RUNDC3B: variants seen among roughly 807,000 people sequenced by gnomAD.
RUNDC3B encodes the protein RUN domain containing 3B.
In RUNDC3B, 33 loss-of-function variants were observed where a neutral mutation model predicts 58.4. The ratio of observed to expected loss-of-function variants is 0.56; its 90% CI spans 0.43 to 0.75. RUNDC3B has a LOEUF of 0.75. Among genes scored for constraint, RUNDC3B ranks in the 30% least tolerant of loss-of-function variants. The probability of loss-of-function intolerance (pLI) is 0.00; values close to 1 mark genes in which losing one functional copy is unlikely to be tolerated. For missense variants in RUNDC3B, 501 were observed against 535.7 expected (o/e 0.94, Z 0.64); for synonymous variants, 193 against 195.2 (o/e 0.99, Z 0.10).
chr7:87,711,941 G>T (rs1261097776), intron 4 of RUNDC3B, among the ~76,000 whole-genome samples: 1 of 152,068 alleles, frequency 6.6e-6, no homozygotes, highest in Non-Finnish European at 1.5e-5. Context: ...TAAGCACAAA[G>T]AAATCATATC....
chr7:87,678,877 A>C (rs1024403532), intron 2 of RUNDC3B, among the ~76,000 whole-genome samples: 1 of 152,168 alleles, frequency 6.6e-6, no homozygotes, highest in Non-Finnish European at 1.5e-5. Context: ...CCAAGAAGAC[A>C]GAACAAAACC....
intron 2 of RUNDC3B, among the ~76,000 whole-genome samples, chr7:87,694,773 T>C (rs2130663460): frequency 6.6e-6 from 1 of 152,256 alleles, no homozygotes; most frequent in African/African-American, 2.4e-5. Context: ...AAACAAAACG[T>C]TTGTTCTCCA....
At chr7:87,680,644 A>C (rs914815635) in intron 2 of RUNDC3B, among the ~76,000 whole-genome samples, 3 of 150,234 alleles carry the variant, frequency 2.0e-5, no homozygotes, top group Admixed American at 2.0e-4. Context: ...AATACAAAAA[A>C]TTAGCCAGGC....
chr7:87,649,370 A>G (rs552438709), intron 1 of RUNDC3B, among the ~76,000 whole-genome samples: 4 of 152,216 alleles, frequency 2.6e-5, no homozygotes, highest in Non-Finnish European at 5.9e-5. Flanking sequence ...GCTGAGGGAG[A>G]TACATAGTTC....
intron 4 of RUNDC3B, among the ~76,000 whole-genome samples, chr7:87,730,692 A>G (rs1831524617): frequency 6.6e-6 from 1 of 151,884 alleles, no homozygotes; most frequent in Non-Finnish European, 1.5e-5. Context: ...TGCTGATTGT[A>G]GAGCCCTTGG....
chr7:87,676,772 C>A (rs1042592810), intron 2 of RUNDC3B, among the ~76,000 whole-genome samples: 6 of 151,018 alleles, frequency 4.0e-5, no homozygotes, highest in Admixed American at 2.0e-4. Flanking sequence ...ATCACAACTC[C>A]TTGCCTTATC....
At chr7:87,758,303 C>G (rs967500984) in intron 6 of RUNDC3B, among the ~76,000 whole-genome samples, 1 of 152,076 alleles carries the variant, frequency 6.6e-6, no homozygotes, top group African/African-American at 2.4e-5. Flanking sequence ...GCCTGAGCAA[C>G]AAAGCAAAAC....
intron 8 of RUNDC3B, among the ~76,000 whole-genome samples, chr7:87,787,638 T>A (rs971724670): frequency 6.6e-6 from 1 of 152,082 alleles, no homozygotes; most frequent in Non-Finnish European, 1.5e-5. Flanking sequence ...GTCTTGAAAA[T>A]CAGGACTGTG....
chr7:87,738,406 A>C (rs1368134785), intron 4 of RUNDC3B, among the ~76,000 whole-genome samples: 1 of 151,980 alleles, frequency 6.6e-6, no homozygotes, highest in Non-Finnish European at 1.5e-5. Flanking sequence ...CTTTTATATA[A>C]ATCAGTAAAA....
chr7:87,761,444 G>A (rs1424840329), intron 6 of RUNDC3B, among the ~76,000 whole-genome samples: 1 of 151,888 alleles, frequency 6.6e-6, no homozygotes, highest in African/African-American at 2.4e-5. Context: ...ATTACCACAT[G>A]ATTCTGAAAT....
intron 8 of RUNDC3B, among the ~76,000 whole-genome samples, chr7:87,788,975 C>T (rs1229185395): frequency 1.3e-5 from 2 of 152,126 alleles, no homozygotes; most frequent in East Asian, 3.8e-4. Flanking sequence ...ACATGGGATT[C>T]AAAATCTCCT....
rs773011983 is a variant in RUNDC3B at position 87,829,908 on chromosome 7, C to A, written c.1249C>A (p.Leu417Ile). The stretch of plus-strand genomic sequence containing the variant: ...AGGTAAGGAAGATACTCCCTCATTA[C>A]TTGGCCTCTGTGGATCTCTAACGTC... ...SEGKEDTPSL[L>I]GLCGSLTSVA... The change falls in exon 11 of 11, where the codon CTT (leucine) becomes ATT (isoleucine). Residue 417 changes from leucine to isoleucine, a missense_variant. Leu to Ile is a conservative substitution (Grantham distance 5). Transcript: ENST00000394654. The A allele has an allele frequency of 6.2e-7, 1 of 1,605,500 alleles. No individual in the cohort carries two copies. The highest frequency in any genetic ancestry group is 1.1e-5 in the South Asian group (1 of 89,796).
At chr7:87,660,662 T>C (rs1052874744) in intron 2 of RUNDC3B, among the ~76,000 whole-genome samples, 3 of 151,970 alleles carry the variant, frequency 2.0e-5, no homozygotes, top group African/African-American at 4.8e-5. Context: ...CTGTTATATC[T>C]TCTTTGGCTC....
intron 10 of RUNDC3B, among the ~76,000 whole-genome samples, chr7:87,819,745 G>A (rs1194343605): frequency 7.2e-5 from 11 of 152,136 alleles, no homozygotes; most frequent in Middle Eastern, 6.8e-3. Flanking sequence ...ACTCAAAACC[G>A]CTCAACTACA....
intron 6 of RUNDC3B, among the ~76,000 whole-genome samples, chr7:87,755,872 G>A (rs1004015888): frequency 6.6e-6 from 1 of 152,154 alleles, no homozygotes; most frequent in African/African-American, 2.4e-5. Context: ...CCTAGCCAGA[G>A]CAATCAGGCA....
intron 1 of RUNDC3B, among the ~76,000 whole-genome samples, chr7:87,634,423 A>G (rs1315882122): frequency 7.0e-6 from 1 of 142,788 alleles, no homozygotes; most frequent in Non-Finnish European, 1.5e-5. Context: ...AGAGTTCGAG[A>G]CCAGCCTGGC....
chr7:87,672,308 C>T (rs76589011), intron 2 of RUNDC3B, among the ~76,000 whole-genome samples: 1,611 of 152,298 alleles, frequency 0.011, 28 homozygotes, highest in East Asian at 0.057. Flanking sequence ...ATCCTTTCCA[C>T]CTCTGGTCAG....
chr7:87,804,227 G>A (rs1317865811), intron 8 of RUNDC3B, among the ~76,000 whole-genome samples: 2 of 152,038 alleles, frequency 1.3e-5, no homozygotes, highest in Non-Finnish European at 2.9e-5. Flanking sequence ...GTTAATGCTG[G>A]GAGAGCAAAC....
At chr7:87,783,686 G>C (rs553770187) in intron 8 of RUNDC3B, among the ~76,000 whole-genome samples, 72 of 152,152 alleles carry the variant, frequency 4.7e-4, no homozygotes, top group Non-Finnish European at 8.8e-4. Context: ...CTCTTGCAAG[G>C]CTGGTCTATT....
Sources: gnomAD v4.1 joint callset for allele counts (sites outside exome capture counted in the v4.1 genomes callset) on GRCh38, gnomAD v4.1.1 for gene constraint, MANE v1.5 for transcripts, NCBI Gene and HGNC (gene_info 2026-07-23, HGNC 2026-07-21) for gene names.